Variants in NFIA observed in about 807,000 individuals in gnomAD.
NFIA encodes nuclear factor I A.
A neutral mutation model predicts 62.8 loss-of-function variants in NFIA; 8 were observed. That is an observed-to-expected ratio of 0.13 (90% confidence interval 0.07 to 0.23). The LOEUF is 0.23. Among genes scored for constraint, NFIA ranks in the 10% least tolerant of loss-of-function variants. NFIA has a pLI of 1.00. For synonymous variants in NFIA, 235 were observed against 238.1 expected, an observed-to-expected ratio of 0.99 and a Z score of 0.12; for missense variants, 410 against 642.1, an observed-to-expected ratio of 0.64 and a Z score of 3.91.
chr1:61,093,817 G>A (rs1355321419), intron 2 of NFIA, among the ~76,000 whole-genome samples: 2 of 152,178 alleles, frequency 1.3e-5, no homozygotes, highest in Admixed American at 1.3e-4. Flanking sequence ...TTCTGGCTTG[G>A]ATTTTCCTTG....
At chr1:61,196,034 T>C (rs1247584736) in intron 2 of NFIA, among the ~76,000 whole-genome samples, 1 of 152,218 alleles carries the variant, frequency 6.6e-6, no homozygotes, top group Non-Finnish European at 1.5e-5. Flanking sequence ...GCAAAGTATA[T>C]TTTAAACTCT....
chr1:61,283,593 A>AAAAG (rs1658285666), intron 3 of NFIA, among the ~76,000 whole-genome samples: 1 of 136,492 alleles, frequency 7.3e-6, no homozygotes, highest in African/African-American at 2.8e-5. Flanking sequence ...AAAAAAAAAA[A>AAAAG]AAAAAAAAAA....
intron 2 of NFIA, among the ~76,000 whole-genome samples, chr1:61,149,893 A>C (rs1490173937): frequency 6.6e-6 from 1 of 152,152 alleles, no homozygotes; most frequent in Non-Finnish European, 1.5e-5. Context: ...TAAGCCCTTC[A>C]GTGTTTCAGT....
At chr1:61,289,434 CAAAG>C (rs1485375289) in intron 3 of NFIA, among the ~76,000 whole-genome samples, 4 of 152,194 alleles carry the variant, frequency 2.6e-5, no homozygotes, top group African/African-American at 9.6e-5. Flanking sequence ...AACTGAGACA[CAAAG>C]AATTTAAGTA....
chr1:61,223,129 CTTTT>C (rs1270114846), intron 2 of NFIA, among the ~76,000 whole-genome samples: 1 of 151,812 alleles, frequency 6.6e-6, no homozygotes, highest in East Asian at 1.9e-4. Flanking sequence ...TTTAATCTTT[CTTTT>C]TAACTGGAAT....
rs79581971 is a variant in NFIA at position 61,362,453 on chromosome 1, C to G, written c.946+3179C>G. ...TCCTCACTCAGAATGCTTTGGTTTCCGTTTACCTGCCTTAAAATGCTTTTC... is the reference window on the plus strand; with the variant it reads ...TCCTCACTCAGAATGCTTTGGTTTCGGTTTACCTGCCTTAAAATGCTTTTC... On this transcript the variant is annotated intron_variant, in intron 6 of 10. Coordinates refer to ENST00000403491, the MANE Select transcript of NFIA (RefSeq NM_001134673.4). Among the ~76,000 whole-genome samples the G allele has an allele frequency of 9.2e-3, 1,404 of 152,246 alleles. 33 individuals are homozygous for G. Among genetic ancestry groups the G allele is most frequent in the African/African-American group, 0.033 (1,355 of 41,534 alleles).
At chr1:61,151,978 T>A (rs1648451448) in intron 2 of NFIA, among the ~76,000 whole-genome samples, 1 of 152,182 alleles carries the variant, frequency 6.6e-6, no homozygotes, top group Non-Finnish European at 1.5e-5. Context: ...ATGGTGTTGC[T>A]CAGAGAGTCC....
At chr1:61,183,523 C>T (rs1650899200) in intron 2 of NFIA, among the ~76,000 whole-genome samples, 1 of 152,216 alleles carries the variant, frequency 6.6e-6, no homozygotes, top group South Asian at 2.1e-4. Context: ...AACACCCCAG[C>T]GACCAGTGGC....
intron 10 of NFIA, among the ~76,000 whole-genome samples, chr1:61,453,443 C>CTTTTTTTTTTTTTTTTTTTTTTTTTTTTT: frequency 1.3e-5 from 1 of 78,868 alleles, no homozygotes; most frequent in Non-Finnish European, 2.3e-5. Flanking sequence ...TGTGAAGAAA[C>CTTTTTTTTTTTTTTTTTTTTTTTTTTTTT]TTTTTTTTTT....
intron 10 of NFIA, among the ~76,000 whole-genome samples, chr1:61,431,073 C>T (rs536816660): frequency 6.6e-6 from 1 of 152,242 alleles, no homozygotes; most frequent in South Asian, 2.1e-4. Context: ...ACTTTAGACA[C>T]TATTAACGTG....
chr1:61,372,564 T>A (rs185537670), intron 6 of NFIA, among the ~76,000 whole-genome samples: 1 of 137,980 alleles, frequency 7.2e-6, no homozygotes, highest in African/African-American at 2.8e-5. Flanking sequence ...GTTTCTGATA[T>A]GTCATTGTTG....
At chr1:61,333,725 C>T (rs1037486639) in intron 4 of NFIA, among the ~76,000 whole-genome samples, 13 of 152,306 alleles carry the variant, frequency 8.5e-5, no homozygotes, top group African/African-American at 3.1e-4. Flanking sequence ...AGGCCAGGCA[C>T]GGTGGCTCAC....
intron 2 of NFIA, among the ~76,000 whole-genome samples, chr1:61,272,535 T>C (rs985333547): frequency 6.6e-6 from 1 of 152,196 alleles, no homozygotes; most frequent in Non-Finnish European, 1.5e-5. Flanking sequence ...AGAACAGAAT[T>C]ATTTCTCTAT....
intron 2 of NFIA, among the ~76,000 whole-genome samples, chr1:61,200,812 A>T (rs1332523502): frequency 1.3e-5 from 2 of 152,234 alleles, no homozygotes; most frequent in African/African-American, 4.8e-5. Flanking sequence ...AATGTGTATA[A>T]TGCTAATAAT....
chr1:61,317,036 A>T (rs1211264809), intron 3 of NFIA, among the ~76,000 whole-genome samples: 1 of 152,142 alleles, frequency 6.6e-6, no homozygotes, highest in African/African-American at 2.4e-5. Context: ...AATTTAAATA[A>T]CTTTTTTTCA....
chr1:61,365,994 G>A (rs1663565422), intron 6 of NFIA, among the ~76,000 whole-genome samples: 2 of 152,138 alleles, frequency 1.3e-5, no homozygotes, highest in South Asian at 2.1e-4. Context: ...TTAAAAGGTG[G>A]CAATTAAACT....
chr1:61,446,991 T>G (rs1667839682), intron 10 of NFIA, among the ~76,000 whole-genome samples: 2 of 152,258 alleles, frequency 1.3e-5, no homozygotes, highest in South Asian at 4.1e-4. Flanking sequence ...CAAGTGTTTC[T>G]GTCTGCACTT....
rs1360162678 is a variant in NFIA, at chr1:61,461,936, GC to G, written c.*6617del. 1.4e-5 allele frequency: 2 copies of G among 146,994 alleles called. No homozygotes were observed. The highest frequency in any genetic ancestry group is 5.1e-5 in the African/African-American group (2 of 38,970). The allele number at this position is 146,994 out of a possible 1,614,324, so 9.1% of individuals were successfully genotyped here. On this transcript the variant is annotated 3_prime_UTR_variant, in exon 11 of 11. Coordinates refer to ENST00000403491, the MANE Select transcript of NFIA (RefSeq NM_001134673.4). The stretch of plus-strand genomic sequence containing the variant: ...TACTCAACTTCTCAAAATGAAAAAA[GC>G]TTTTATTTTTCCTTTGACTTATTTG...
chr1:61,122,475 A>T (rs1266150477), intron 2 of NFIA, among the ~76,000 whole-genome samples: 1 of 152,182 alleles, frequency 6.6e-6, no homozygotes, highest in Non-Finnish European at 1.5e-5. Flanking sequence ...TTCTCTCCTG[A>T]CATAAAAAAA....
Sources: allele counts gnomAD v4.1 joint callset (sites outside exome capture counted in the v4.1 genomes callset), GRCh38; gene constraint gnomAD v4.1.1; transcripts MANE v1.5; gene names NCBI Gene and HGNC (gene_info 2026-07-23, HGNC 2026-07-21).